Variants in GXYLT1 observed in about 807,000 individuals in gnomAD.
The protein encoded by GXYLT1 is glucoside xylosyltransferase 1.
In GXYLT1, 29 loss-of-function variants were observed where a neutral mutation model predicts 54.0. That is an observed-to-expected ratio of 0.54 (90% CI 0.40 to 0.73). The LOEUF is 0.73. GXYLT1 is among the 30% of genes least tolerant of loss of function. The pLI is 0.00. For synonymous variants in GXYLT1, 176 were observed against 204.1 expected (o/e 0.86, Z 1.17); for missense variants, 490 against 553.4 (o/e 0.89, Z 1.15).
intron 3 of GXYLT1, among the ~76,000 whole-genome samples, chr12:42,112,444 T>A (rs2065464020): frequency 6.6e-6 from 1 of 152,112 alleles, no homozygotes; most frequent in Non-Finnish European, 1.5e-5. Context: ...GAGAAGTCCT[T>A]AAAGGACCTG....
In GXYLT1 at chr12:42,142,805, C is replaced by T. The variant is rs74319229; in HGVS notation, c.221+1621G>A. On this transcript the variant is annotated intron_variant, in intron 1 of 7. Coordinates refer to ENST00000398675, the MANE Select transcript of GXYLT1 (RefSeq NM_173601.2). ...CGTTGTTCCCCTGCCCAAATGGTTT[C>T]TTATGCGCGCAAATGTGGTGACATG... is the stretch of plus-strand genomic sequence containing the variant. 4.6e-3 allele frequency among the ~76,000 whole-genome samples: 697 copies of T among 152,248 alleles called. 6 individuals are homozygous for T. Among genetic ancestry groups the T allele is most frequent in the African/African-American group, 0.015 (637 of 41,538 alleles).
intron 7 of GXYLT1, among the ~76,000 whole-genome samples, chr12:42,095,907 G>GAGAGGA: frequency 6.6e-6 from 1 of 152,304 alleles, no homozygotes; most frequent in East Asian, 1.9e-4. Flanking sequence ...GGGAGCAGGG[G>GAGAGGA]AGAGGAAGAG....
At chr12:42,115,070 A>G (rs1272076459) in intron 3 of GXYLT1, among the ~76,000 whole-genome samples, 1 of 152,250 alleles carries the variant, frequency 6.6e-6, no homozygotes, top group Non-Finnish European at 1.5e-5. Flanking sequence ...GCTTTTGACA[A>G]AATTCAACAA....
chr12:42,120,503 T>C (rs1326443582), intron 2 of GXYLT1, among the ~76,000 whole-genome samples: 6 of 152,144 alleles, frequency 3.9e-5, no homozygotes, highest in African/African-American at 1.2e-4. Context: ...TCACGTCTGG[T>C]GTTAGCATTA....
At chr12:42,141,894 T>C (rs924937130) in intron 1 of GXYLT1, among the ~76,000 whole-genome samples, 2 of 152,174 alleles carry the variant, frequency 1.3e-5, no homozygotes, top group African/African-American at 2.4e-5. Flanking sequence ...ACTGAAAAAC[T>C]GTTCCTTTCA....
chr12:42,090,910 T>C (rs2065325379), intron 7 of GXYLT1, among the ~76,000 whole-genome samples: 1 of 152,266 alleles, frequency 6.6e-6, no homozygotes, highest in African/African-American at 2.4e-5. Context: ...TTTAAACATT[T>C]TTATTCACTC....
rs1445177997 is a variant in GXYLT1 at position 42,087,631 on chromosome 12, T to C, written c.*155A>G. The C allele has an allele frequency of 2.1e-5, 12 of 560,586 alleles. No individual in the cohort carries two copies. The highest frequency in any genetic ancestry group is 3.4e-5 in the Non-Finnish European group (11 of 324,546). The allele number at this position is 560,586 out of a possible 1,614,324, so 34.7% of individuals were successfully genotyped here. ...GCCCAAGATTTTAACTTATTCTTCA[T>C]TACCTGAAAATACTGCTTACTTAAC... On this transcript the variant is annotated 3_prime_UTR_variant, in exon 8 of 8. Coordinates refer to ENST00000398675, the MANE Select transcript of GXYLT1 (RefSeq NM_173601.2).
intron 3 of GXYLT1, among the ~76,000 whole-genome samples, chr12:42,112,470 A>G (rs1221886827): frequency 6.6e-6 from 1 of 152,230 alleles, no homozygotes; most frequent in African/African-American, 2.4e-5. Flanking sequence ...GCTGAAAACC[A>G]AGGCATGAGA....
At chr12:42,104,263 T>TC (rs1391545081) in intron 5 of GXYLT1, among the ~76,000 whole-genome samples, 3 of 151,860 alleles carry the variant, frequency 2.0e-5, no homozygotes, top group Non-Finnish European at 4.4e-5. Flanking sequence ...ACATTTTTTT[T>TC]TTTTGCAGAT....
chr12:42,106,097 A>G, intron 4 of GXYLT1, 28 bp from the exon 5 acceptor site: 3 of 1,461,180 alleles, frequency 2.1e-6, no homozygotes, highest in Non-Finnish European at 1.9e-6. Flanking sequence ...TGAATGATTA[A>G]CTATAATTCT....
intron 4 of GXYLT1, 150 bp downstream of exon 4, chr12:42,109,416 C>A: frequency 2.0e-6 from 1 of 500,182 alleles, no homozygotes. Context: ...TTTTCATGTT[C>A]AAAAGGAAGA....
intron 1 of GXYLT1, among the ~76,000 whole-genome samples, chr12:42,133,966 G>A (rs776899018): frequency 6.6e-5 from 10 of 152,056 alleles, no homozygotes; most frequent in Non-Finnish European, 1.0e-4. Context: ...GGAGGCCGAC[G>A]TGGGTGGATC....
intron 1 of GXYLT1, among the ~76,000 whole-genome samples, chr12:42,134,203 A>G (rs1213145158): frequency 1.3e-5 from 2 of 152,066 alleles, no homozygotes; most frequent in African/African-American, 4.8e-5. Context: ...CCTCTCTGAC[A>G]AAAGAAAAAA....
rs1351287003 is a variant in GXYLT1, at chr12:42,109,522, T to TA, written c.612+43_612+44insT. 1.3e-4 allele frequency: 165 copies of TA among 1,301,308 alleles called. No homozygotes were observed. In the East Asian group the frequency reaches 1.7e-3, roughly 13 times the overall value. 80.6% of individuals were successfully genotyped at this position (1,301,308 alleles called of 1,614,324 possible). ...TCATGTGTAAAAGTAAGGTTCAAATTTAAAAAAAAAAAAAAAAAAAAGACA... is the reference window on the plus strand; with the variant it reads ...TCATGTGTAAAAGTAAGGTTCAAATTATAAAAAAAAAAAAAAAAAAAAGACA... On this transcript the variant is annotated intron_variant, in intron 4 of 7. Transcript: ENST00000398675.
At chr12:42,116,964 T>C (rs1413112873) in intron 3 of GXYLT1, among the ~76,000 whole-genome samples, 4 of 151,908 alleles carry the variant, frequency 2.6e-5, no homozygotes, top group Non-Finnish European at 5.9e-5. Flanking sequence ...AATGATGAGT[T>C]CATGTCCTTT....
At chr12:42,109,526 A>T in intron 4 of GXYLT1, 40 bp downstream of exon 4, 6 of 1,118,592 alleles carry the variant, frequency 5.4e-6, no homozygotes, top group Non-Finnish European at 7.1e-6. Context: ...TCAAATTTAA[A>T]AAAAAAAAAA....
At chr12:42,136,582 C>A (rs1055017391) in intron 1 of GXYLT1, among the ~76,000 whole-genome samples, 5 of 152,082 alleles carry the variant, frequency 3.3e-5, no homozygotes, top group Non-Finnish European at 5.9e-5. Context: ...AGCTTGTCTA[C>A]AACTGACCAA....
At chr12:42,138,814 A>C (rs2065635718) in intron 1 of GXYLT1, among the ~76,000 whole-genome samples, 1 of 152,108 alleles carries the variant, frequency 6.6e-6, no homozygotes, top group South Asian at 2.1e-4. Flanking sequence ...TGAGGTCAGG[A>C]GTTCAAGACC....
intron 5 of GXYLT1, among the ~76,000 whole-genome samples, chr12:42,099,442 T>C (rs1177639958): frequency 1.3e-5 from 2 of 152,210 alleles, no homozygotes; most frequent in Non-Finnish European, 2.9e-5. Context: ...GGGATATAAA[T>C]ATGTCACGCA....
Sources: allele counts gnomAD v4.1 joint callset (sites outside exome capture counted in the v4.1 genomes callset), GRCh38; gene constraint gnomAD v4.1.1; transcripts MANE v1.5; gene names NCBI Gene and HGNC (gene_info 2026-07-23, HGNC 2026-07-21).